Variants in CELF4 observed in about 807,000 individuals in gnomAD.
CELF4 encodes the protein CUG-BP- and ETR-3-like factor 4.
In CELF4, 18 loss-of-function variants were observed where a neutral mutation model predicts 59.9. The ratio of observed to expected loss-of-function variants is 0.30; its 90% CI spans 0.21 to 0.45. CELF4 has a LOEUF of 0.45. Ranked by LOEUF, CELF4 falls within the 20% of genes least tolerant of loss-of-function variation. The pLI, the probability that CELF4 is intolerant of heterozygous loss-of-function variation, is 1.00. For synonymous variants in CELF4, 261 were observed against 267.1 expected (o/e 0.98, Z 0.22); for missense variants, 456 against 689.0 (o/e 0.66, Z 3.79).
intron 1 of CELF4, among the ~76,000 whole-genome samples, chr18:37,560,369 A>G (rs186179849): frequency 1.1e-3 from 175 of 152,316 alleles, no homozygotes; most frequent in Admixed American, 2.3e-3. Context: ...TAAGCAAATC[A>G]TTTCCCAATA....
At chr18:37,535,442 G>C (rs529420692) in intron 1 of CELF4, among the ~76,000 whole-genome samples, 4 of 152,180 alleles carry the variant, frequency 2.6e-5, no homozygotes, top group Admixed American at 1.3e-4. Flanking sequence ...CAGACTTTCC[G>C]AGCAGCTCCC....
intron 2 of CELF4, among the ~76,000 whole-genome samples, chr18:37,463,421 C>T (rs1355426649): frequency 6.6e-6 from 1 of 152,204 alleles, no homozygotes; most frequent in Admixed American, 6.5e-5. Context: ...TAAGATCTCT[C>T]ATTTCATGGG....
intron 2 of CELF4, among the ~76,000 whole-genome samples, chr18:37,327,660 G>A (rs1003359062): frequency 2.6e-5 from 4 of 152,184 alleles, no homozygotes; most frequent in Non-Finnish European, 4.4e-5. Flanking sequence ...AAAGCCAGGG[G>A]GGAGCGGGGA....
intron 2 of CELF4, among the ~76,000 whole-genome samples, chr18:37,387,992 GC>G (rs2099117354): frequency 6.6e-6 from 1 of 152,094 alleles, no homozygotes; most frequent in South Asian, 2.1e-4. Flanking sequence ...AGGTTCTGTG[GC>G]CCTCTGTGGC....
chr18:37,350,721 C>T (rs1300837485), intron 2 of CELF4, among the ~76,000 whole-genome samples: 2 of 152,206 alleles, frequency 1.3e-5, no homozygotes, highest in East Asian at 3.8e-4. Flanking sequence ...TCGCAAGGGT[C>T]CCTTTATCTC....
At chr18:37,359,548 G>A (rs2098666422) in intron 2 of CELF4, among the ~76,000 whole-genome samples, 1 of 152,078 alleles carries the variant, frequency 6.6e-6, no homozygotes. Flanking sequence ...TGCCTAGGCT[G>A]GTCTTACACT....
chr18:37,298,191 TGA>T (rs1439248706), intron 3 of CELF4, among the ~76,000 whole-genome samples: 1 of 152,152 alleles, frequency 6.6e-6, no homozygotes, highest in Non-Finnish European at 1.5e-5. Flanking sequence ...AGGAATATCT[TGA>T]GAGTGTGTAT....
intron 3 of CELF4, among the ~76,000 whole-genome samples, chr18:37,293,419 T>C (rs1032159201): frequency 5.3e-5 from 8 of 152,238 alleles, no homozygotes; most frequent in African/African-American, 1.4e-4. Context: ...TCTCTCTGTA[T>C]GTTCTGTGTC....
chr18:37,273,625 T>C lies in CELF4; in HGVS notation c.802-462A>G, dbSNP rs529956772. 3 of 989,620 alleles carry C rather than the reference T, an allele frequency of 3.0e-6. No homozygotes were observed. The South Asian group carries it at 1.4e-4, about 46-fold the overall frequency. 61.3% of individuals were successfully genotyped at this position (989,620 alleles called of 1,614,324 possible). ...TGAATAGAACCCCAGGCACCCCTAG[T>C]GTTGTCACAAAGGTGAGTGCGGACA... On this transcript the variant is annotated intron_variant, in intron 6 of 12. Transcript: ENST00000420428.
intron 2 of CELF4, among the ~76,000 whole-genome samples, chr18:37,373,537 G>A (rs551237489): frequency 9.2e-5 from 14 of 152,342 alleles, no homozygotes; most frequent in African/African-American, 2.6e-4. Flanking sequence ...GATGACCAGC[G>A]GGTGTGTGTA....
intron 2 of CELF4, among the ~76,000 whole-genome samples, chr18:37,390,329 C>T (rs2099145724): frequency 6.6e-6 from 1 of 152,210 alleles, no homozygotes; most frequent in Non-Finnish European, 1.5e-5. Flanking sequence ...AACTGGGAGC[C>T]ACGTGTGGCA....
intron 2 of CELF4, among the ~76,000 whole-genome samples, chr18:37,351,843 G>T (rs1320474604): frequency 6.6e-6 from 1 of 151,824 alleles, no homozygotes; most frequent in Admixed American, 6.6e-5. Flanking sequence ...CATACTCCTG[G>T]GGCCTCAAGT....
intron 2 of CELF4, among the ~76,000 whole-genome samples, chr18:37,344,622 A>C (rs1016552931): frequency 1.3e-5 from 2 of 152,236 alleles, no homozygotes; most frequent in African/African-American, 4.8e-5. Context: ...CCTTGGAGTT[A>C]AAAGGAGCCA....
chr18:37,312,027 C>A (rs1390166118), intron 3 of CELF4, among the ~76,000 whole-genome samples: 2 of 143,332 alleles, frequency 1.4e-5, no homozygotes, highest in Non-Finnish European at 3.0e-5. Flanking sequence ...AGGAGAATGG[C>A]ATGAACCTGG....
At chr18:37,336,585 G>A (rs1182580730) in intron 2 of CELF4, among the ~76,000 whole-genome samples, 1 of 152,192 alleles carries the variant, frequency 6.6e-6, no homozygotes, top group Non-Finnish European at 1.5e-5. Context: ...CCTGCTATGA[G>A]GGAGTGGCTG....
chr18:37,414,503 C>CTTTTCTTT (rs753692064), intron 2 of CELF4, among the ~76,000 whole-genome samples: 6 of 116,060 alleles, frequency 5.2e-5, no homozygotes, highest in East Asian at 2.5e-4. Flanking sequence ...CTTTTCTTTT[C>CTTTTCTTT]TTTTTTTTTT....
intron 11 of CELF4, among the ~76,000 whole-genome samples, chr18:37,258,344 G>A (rs564455060): frequency 1.4e-5 from 2 of 148,146 alleles, no homozygotes; most frequent in Middle Eastern, 3.6e-3. Context: ...CCTCTGGCTC[G>A]TCTCACCCCA....
At chr18:37,461,597 A>G (rs557751646) in intron 2 of CELF4, among the ~76,000 whole-genome samples, 7 of 152,316 alleles carry the variant, frequency 4.6e-5, no homozygotes, top group Admixed American at 2.6e-4. Flanking sequence ...GTGGGGACAC[A>G]AAGCCTAACC....
chr18:37,311,256 G>A (rs948653643), intron 3 of CELF4, among the ~76,000 whole-genome samples: 1 of 152,014 alleles, frequency 6.6e-6, no homozygotes, highest in Middle Eastern at 3.2e-3. Context: ...TTATATTTTC[G>A]CACCTATGGC....
Sources: gnomAD v4.1 joint callset for allele counts (sites outside exome capture counted in the v4.1 genomes callset) on GRCh38, gnomAD v4.1.1 for gene constraint, MANE v1.5 for transcripts, NCBI Gene and HGNC (gene_info 2026-07-23, HGNC 2026-07-21) for gene names.